ZNF107: variants seen among roughly 807,000 people sequenced by gnomAD.
ZNF107 encodes zinc finger protein 107.
In ZNF107, 19 loss-of-function variants were observed where a neutral mutation model predicts 12.3. The observed-to-expected ratio is 1.55, with a 90% confidence interval of 1.08 to 2.27. The LOEUF is 2.27. ZNF107 is among the 30% of genes most tolerant of loss of function. The probability of loss-of-function intolerance (pLI) is 0.00; values close to 1 mark genes in which losing one functional copy is unlikely to be tolerated. For synonymous variants in ZNF107, 317 were observed against 330.5 expected (o/e 0.96, Z 0.44); for missense variants, 958 against 979.9 (o/e 0.98, Z 0.30).
intron 1 of ZNF107, among the ~76,000 whole-genome samples, chr7:64,681,256 C>A (rs1212663255): frequency 6.6e-6 from 1 of 152,004 alleles, no homozygotes; most frequent in African/African-American, 2.4e-5. Flanking sequence ...GATATGGGGG[C>A]CACTCACTCC....
At chr7:64,666,442 T>C in intron 1 of ZNF107, among the ~76,000 whole-genome samples, 157 bp downstream of exon 1, 1 of 152,090 alleles carries the variant, frequency 6.6e-6, no homozygotes, top group Middle Eastern at 3.4e-3. Context: ...GAGTTCTCCT[T>C]GGCGCAGCTC....
chr7:64,686,349 G>T (rs905444231), intron 1 of ZNF107, among the ~76,000 whole-genome samples: 1 of 151,870 alleles, frequency 6.6e-6, no homozygotes, highest in East Asian at 1.9e-4. Context: ...TGCCTCTTCC[G>T]TCTAGCCTCT....
Position 64,706,462 on chromosome 7 carries a change from A to T in ZNF107, c.365A>T (p.Glu122Val). 1 of 1,613,684 alleles carries T rather than the reference A, an allele frequency of 6.2e-7. No individual in the cohort carries two copies. The highest frequency in any genetic ancestry group is 8.5e-7 in the Non-Finnish European group (1 of 1,179,692). Reference sequence around the variant, plus strand: ...AGAAAAGGCTGTAAACATGTGGATGAGTGTACGGGGCACAAAGGAGGTCAT... The same window carrying T: ...AGAAAAGGCTGTAAACATGTGGATGTGTGTACGGGGCACAAAGGAGGTCAT... The part of the protein sequence containing the change: ...QLRKGCKHVD[E>V]CTGHKGGHNT... Residue 122 changes from glutamate (E) to valine (V), a missense_variant, in exon 4 of 4, where the codon GAG becomes GTG. Glu to Val is a moderately radical substitution (Grantham distance 121). Coordinates refer to ENST00000620827, the MANE Select transcript of ZNF107 (RefSeq NM_001282359.2).
In ZNF107 at chr7:64,709,614, G is replaced by A; in HGVS notation, c.*958G>A. 1 of 437,918 alleles carries A rather than the reference G, an allele frequency of 2.3e-6. No individual in the cohort carries two copies. Among genetic ancestry groups the A allele is most frequent in the Non-Finnish European group, 4.5e-6 (1 of 222,184 alleles). 27.1% of individuals were successfully genotyped at this position (437,918 alleles called of 1,614,324 possible). ...GAATCCATACTGAAGAAAACTCCTG[G>A]AAGTGTAAAAAATGTGGCAACACTT... On this transcript the variant is annotated 3_prime_UTR_variant, in exon 4 of 4. Coordinates refer to ENST00000620827, the MANE Select transcript of ZNF107 (RefSeq NM_001282359.2).
At position 64,707,341 on chromosome 7, in the gene ZNF107, A is replaced by T. The variant is rs1271352454; in HGVS notation, c.1244A>T (p.His415Leu). The part of the protein sequence containing the change: ...VFNQFSTLTR[H>L]KIIHTGEKPY... ...AACCAGTTCTCAACTCTTACTAGAC[A>T]TAAGATAATTCATACTGGAGAGAAA... Residue 415 changes from histidine (H) to leucine (L), a missense_variant, in exon 4 of 4, where the codon CAT becomes CTT. Coordinates refer to ENST00000620827, the MANE Select transcript of ZNF107 (RefSeq NM_001282359.2). 4.3e-6 allele frequency: 7 copies of T among 1,613,424 alleles called. No homozygotes were observed. The highest frequency in any genetic ancestry group is 5.1e-6 in the Non-Finnish European group (6 of 1,179,768).
At chr7:64,692,648 T>C (rs1173348337) in intron 3 of ZNF107, among the ~76,000 whole-genome samples, 1 of 152,132 alleles carries the variant, frequency 6.6e-6, no homozygotes, top group Non-Finnish European at 1.5e-5. Flanking sequence ...TTTCAATCCA[T>C]ATTCATAAAA....
chr7:64,690,717 A>G (rs184735464), intron 1 of ZNF107, among the ~76,000 whole-genome samples: 16 of 151,826 alleles, frequency 1.1e-4, no homozygotes, highest in Non-Finnish European at 8.8e-5. Context: ...TCATCTGACT[A>G]TATTTAGCTT....
intron 3 of ZNF107, among the ~76,000 whole-genome samples, chr7:64,693,165 ATTTTTT>A (rs34734604): frequency 2.7e-4 from 30 of 110,124 alleles, no homozygotes; most frequent in African/African-American, 7.3e-4. Flanking sequence ...CACTCAGCTA[ATTTTTT>A]TTTTTTTTTT....
chr7:64,693,734 G>A (rs1316595680), intron 3 of ZNF107, among the ~76,000 whole-genome samples: 4 of 152,166 alleles, frequency 2.6e-5, no homozygotes, highest in African/African-American at 9.7e-5. Flanking sequence ...GGATGTGGAT[G>A]AGTATGGTTT....
chr7:64,693,549 G>T (rs988132068), intron 3 of ZNF107, among the ~76,000 whole-genome samples: 2 of 151,864 alleles, frequency 1.3e-5, no homozygotes, highest in East Asian at 3.9e-4. Flanking sequence ...TTAGTCACAA[G>T]GATGTTGGGT....
chr7:64,675,982 G>C (rs1789401438), intron 1 of ZNF107, among the ~76,000 whole-genome samples: 1 of 152,134 alleles, frequency 6.6e-6, no homozygotes, highest in Admixed American at 6.5e-5. Context: ...CTCCTGAGTA[G>C]CTGGGATTAC....
chr7:64,666,320 G>C, intron 1 of ZNF107, 35 bp downstream of exon 1: 1 of 1,606,800 alleles, frequency 6.2e-7, no homozygotes, highest in Non-Finnish European at 8.5e-7. Flanking sequence ...CGAGAGAGGG[G>C]GAGGGGCTGG....
intron 3 of ZNF107, among the ~76,000 whole-genome samples, chr7:64,700,477 T>C (rs1790438395): frequency 6.8e-6 from 1 of 146,034 alleles, no homozygotes; most frequent in African/African-American, 2.5e-5. Context: ...CTTGTACAGG[T>C]GCAGTCTGTC....
At chr7:64,680,607 G>C (rs1444538550) in intron 1 of ZNF107, among the ~76,000 whole-genome samples, 1 of 152,162 alleles carries the variant, frequency 6.6e-6, no homozygotes, top group Admixed American at 6.5e-5. Context: ...TCAGGGCAAG[G>C]ACGAAAATCC....
chr7:64,707,107 G>C lies in ZNF107; in HGVS notation c.1010G>C (p.Gly337Ala). The C allele has an allele frequency of 6.2e-7, 1 of 1,612,566 alleles. No homozygotes were observed. The highest frequency in any genetic ancestry group is 8.5e-7 in the Non-Finnish European group (1 of 1,179,516). Reference protein sequence around the residue: ...NLTNHKRIHAGEKPYKCKECG... With the variant: ...NLTNHKRIHAAEKPYKCKECG... The stretch of plus-strand genomic sequence containing the variant: ...ACTAACCATAAGAGAATTCATGCTG[G>C]GGAGAAACCCTACAAATGTAAAGAA... Residue 337 changes from glycine (G) to alanine (A), a missense_variant, in exon 4 of 4, where the codon GGG (glycine) becomes GCG (alanine). By Grantham distance (60) the Gly-to-Ala change is moderately conservative. Transcript: ENST00000620827.
intron 3 of ZNF107, among the ~76,000 whole-genome samples, chr7:64,693,147 C>G (rs1790171954): frequency 6.7e-6 from 1 of 149,960 alleles, no homozygotes; most frequent in Admixed American, 6.7e-5. Flanking sequence ...TACAGGCGCC[C>G]TCTACCACAC....
intron 1 of ZNF107, among the ~76,000 whole-genome samples, chr7:64,671,600 A>G (rs1404730309): frequency 6.6e-6 from 1 of 152,020 alleles, no homozygotes; most frequent in Non-Finnish European, 1.5e-5. Flanking sequence ...CCTCCCACCT[A>G]CATGGCATTC....
chr7:64,669,657 A>G (rs929713753), intron 1 of ZNF107, among the ~76,000 whole-genome samples: 1 of 151,986 alleles, frequency 6.6e-6, no homozygotes, highest in Non-Finnish European at 1.5e-5. Flanking sequence ...TGTGGGTGAC[A>G]GGCACCTGTA....
chr7:64,694,174 A>T (rs961510659), intron 3 of ZNF107, among the ~76,000 whole-genome samples: 6 of 152,278 alleles, frequency 3.9e-5, no homozygotes, highest in Non-Finnish European at 8.8e-5. Context: ...TTCAGGGACC[A>T]CAGTAGAGGC....
Sources: allele counts gnomAD v4.1 joint callset (sites outside exome capture counted in the v4.1 genomes callset), GRCh38; gene constraint gnomAD v4.1.1; transcripts MANE v1.5; gene names NCBI Gene and HGNC (gene_info 2026-07-23, HGNC 2026-07-21).